Variants in HSD17B12 observed in about 807,000 individuals in gnomAD.
HSD17B12 encodes hydroxysteroid 17-beta dehydrogenase 12.
In HSD17B12, 32 loss-of-function variants were observed where a neutral mutation model predicts 39.3. That is an observed-to-expected ratio of 0.81 (90% confidence interval 0.61 to 1.09). HSD17B12 has a LOEUF of 1.09. Among genes scored for constraint, HSD17B12 ranks in the 50% least tolerant of loss-of-function variants. HSD17B12 has a pLI of 0.00. For synonymous variants in HSD17B12, 150 were observed against 146.7 expected (o/e 1.02, Z -0.16); for missense variants, 342 against 382.9 (o/e 0.89, Z 0.89).
chr11:43,723,147 G>A (rs1950190336), intron 1 of HSD17B12, among the ~76,000 whole-genome samples: 1 of 152,120 alleles, frequency 6.6e-6, no homozygotes. Context: ...GAATGTTCTA[G>A]GAGAACCTTC....
the HSD17B12 span, among the ~76,000 whole-genome samples, chr11:43,616,797 TAAAAAAAAAA>T: frequency 2.3e-4 from 14 of 59,726 alleles, no homozygotes; most frequent in South Asian, 1.5e-3. Flanking sequence ...GTGCCCAAAC[TAAAAAAAAAA>T]AAAAAAAAAA....
chr11:43,572,916 G>T, the HSD17B12 span, among the ~76,000 whole-genome samples: 26 of 152,288 alleles, frequency 1.7e-4, no homozygotes, highest in Non-Finnish European at 3.7e-4. Context: ...GAGCTGGACT[G>T]TTTTTCCTTC....
the HSD17B12 span, among the ~76,000 whole-genome samples, chr11:43,626,547 T>A: frequency 6.6e-6 from 1 of 151,454 alleles, no homozygotes; most frequent in Non-Finnish European, 1.5e-5. Context: ...GGCACATTAA[T>A]TTTTTTTGCA....
chr11:43,800,786 C>CTCAT lies in HSD17B12; in HGVS notation c.391+2380_391+2383dup, dbSNP rs200539231. ...GCTGAGTTAACAATTTGTGCCCCTC[C>CTCAT]TCATTCATTCATTCATTCATTCATC... On this transcript the variant is annotated intron_variant, in intron 4 of 10. Coordinates refer to ENST00000278353, the MANE Select transcript of HSD17B12 (RefSeq NM_016142.3). Among the ~76,000 whole-genome samples, 100 of 152,134 alleles carry CTCAT rather than the reference C, an allele frequency of 6.6e-4. 3 individuals carry two copies. The East Asian group carries it at 0.013, about 19-fold the overall frequency.
chr11:43,844,744 T>A (rs1914773), intron 9 of HSD17B12, among the ~76,000 whole-genome samples: 95,499 of 152,020 alleles, frequency 0.63, 30,565 homozygotes, highest in East Asian at 0.71. Flanking sequence ...CCTCTTGAAC[T>A]CTTATTCTGC....
intron 1 of HSD17B12, among the ~76,000 whole-genome samples, chr11:43,708,187 G>A (rs1950032742): frequency 6.6e-6 from 1 of 152,152 alleles, no homozygotes; most frequent in Non-Finnish European, 1.5e-5. Context: ...GATATCCTGG[G>A]TAACAGCATA....
intron 3 of HSD17B12, among the ~76,000 whole-genome samples, chr11:43,795,426 C>G (rs1043754756): frequency 1.3e-5 from 2 of 152,146 alleles, no homozygotes; most frequent in Admixed American, 6.5e-5. Flanking sequence ...CTTATATATG[C>G]ACATCTATTT....
chr11:43,769,303 A>G (rs953322087), intron 3 of HSD17B12, among the ~76,000 whole-genome samples: 1 of 152,262 alleles, frequency 6.6e-6, no homozygotes, highest in East Asian at 1.9e-4. Flanking sequence ...ATTAGTAACT[A>G]AAGAAAGCTA....
intron 6 of HSD17B12, among the ~76,000 whole-genome samples, chr11:43,824,856 C>T (rs565519249): frequency 2.5e-4 from 38 of 152,294 alleles, no homozygotes; most frequent in African/African-American, 9.1e-4. Context: ...ATTAGCTGGG[C>T]ATGGTGGCAC....
the HSD17B12 span, among the ~76,000 whole-genome samples, chr11:43,586,808 GTAGT>G: frequency 2.0e-5 from 3 of 152,204 alleles, no homozygotes; most frequent in Admixed American, 2.0e-4. Context: ...CATGGGAATA[GTAGT>G]CATGCTGTGC....
chr11:43,673,497 T>TTTTC, the HSD17B12 span: 1 of 59,922 alleles, frequency 1.7e-5, no homozygotes, highest in African/African-American at 5.1e-5. Flanking sequence ...CTTTTCTTTT[T>TTTTC]TTTTTTTTTT....
chr11:43,631,285 A>G, the HSD17B12 span, among the ~76,000 whole-genome samples: 1 of 152,184 alleles, frequency 6.6e-6, no homozygotes, highest in Non-Finnish European at 1.5e-5. Flanking sequence ...GTTGGGCAGA[A>G]AGTAAAGGAT....
At chr11:43,797,272 G>A (rs1395700925) in intron 3 of HSD17B12, among the ~76,000 whole-genome samples, 1 of 152,178 alleles carries the variant, frequency 6.6e-6, no homozygotes, top group East Asian at 1.9e-4. Context: ...ATTTTTGGAA[G>A]CAGGATTTTA....
the HSD17B12 span, among the ~76,000 whole-genome samples, chr11:43,636,682 G>C: frequency 6.6e-6 from 1 of 151,872 alleles, no homozygotes; most frequent in Non-Finnish European, 1.5e-5. Flanking sequence ...CATTTCTTCA[G>C]ATTTTTACTG....
chr11:43,767,064 C>T (rs1950601760), intron 3 of HSD17B12, among the ~76,000 whole-genome samples: 1 of 152,126 alleles, frequency 6.6e-6, no homozygotes, highest in Non-Finnish European at 1.5e-5. Flanking sequence ...CTACAGCTGG[C>T]ATTAGGGATG....
intron 1 of HSD17B12, 47 bp downstream of exon 1, chr11:43,681,034 C>T (rs762495363): frequency 1.3e-6 from 2 of 1,525,116 alleles, no homozygotes; most frequent in Non-Finnish European, 1.8e-6. Flanking sequence ...GCGGCCCGGA[C>T]CAGGCCTGGG....
chr11:43,666,126 C>A, the HSD17B12 span, among the ~76,000 whole-genome samples: 1 of 152,160 alleles, frequency 6.6e-6, no homozygotes. Flanking sequence ...TTCCTTCCTG[C>A]ATTTTTTCCA....
chr11:43,713,612 A>G (rs1347206591), intron 1 of HSD17B12, among the ~76,000 whole-genome samples: 1 of 152,164 alleles, frequency 6.6e-6, no homozygotes, highest in Non-Finnish European at 1.5e-5. Context: ...TCTTTATAGC[A>G]GCATGATTTG....
At chr11:43,654,014 G>A in the HSD17B12 span, among the ~76,000 whole-genome samples, 1 of 145,112 alleles carries the variant, frequency 6.9e-6, no homozygotes, top group East Asian at 1.9e-4. Context: ...CCCACCAACA[G>A]TGTAAAAGTG....
Sources: allele counts gnomAD v4.1 joint callset (sites outside exome capture counted in the v4.1 genomes callset), GRCh38; gene constraint gnomAD v4.1.1; transcripts MANE v1.5; gene names NCBI Gene and HGNC (gene_info 2026-07-23, HGNC 2026-07-21).